Variants in CYP2F1 observed in about 807,000 individuals in gnomAD.
CYP2F1 encodes the protein cytochrome P450 2F1.
Under a neutral mutation model 40.4 loss-of-function variants are expected in CYP2F1, and 33 were observed. The observed-to-expected ratio is 0.82, with a 90% CI of 0.62 to 1.09. The LOEUF (loss-of-function observed/expected upper bound fraction) is 1.09, where lower values mean the gene tolerates loss of function less well. CYP2F1 is among the 50% of genes least tolerant of loss of function. CYP2F1 has a pLI of 0.00. For missense variants in CYP2F1, 566 were observed against 655.7 expected (o/e 0.86, Z 1.49); for synonymous variants, 235 against 277.2 (o/e 0.85, Z 1.51).
rs143638571 is a variant in CYP2F1 at position 41,120,485 on chromosome 19, G to A, written c.473G>A (p.Arg158Gln). ...GGCAGCTTCCTGCTGGCGGAGCTGC[G>A]GAAAACTGAAGGTCAGGAATTTTTT... is the stretch of plus-strand genomic sequence containing the variant. ...EEGSFLLAEL[R>Q]KTEGEPFDPT... Residue 158 changes from arginine (R) to glutamine (Q), a missense_variant, in exon 4 of 10, where the codon CGG (arginine) becomes CAG (glutamine). This residue lies in a region of CYP2F1 where 264 missense variants were observed against 275.7 expected (regional missense o/e 0.96). Transcript: ENST00000331105. 104 of 1,612,912 alleles carry A rather than the reference G, an allele frequency of 6.4e-5. No homozygotes were observed. In the East Asian group the frequency reaches 2.0e-3, roughly 31 times the overall value.
chr19:41,114,756 C>T (rs918150413), intron 1 of CYP2F1, among the ~76,000 whole-genome samples: 11 of 149,604 alleles, frequency 7.4e-5, no homozygotes, highest in South Asian at 4.2e-4. Context: ...CCCTTCCTCT[C>T]TGTCTCCGTC....
In CYP2F1 at chr19:41,127,922, A is replaced by G. The variant is rs146190866; in HGVS notation, c.1316A>G (p.Glu439Gly). ...FSAGRRLCLG[E>G]SLARMELFLY... is the part of the protein sequence containing the mutation. ...GCAGGGCGCCGTCTGTGCCTGGGAGAGTCGCTGGCGCGCATGGAGCTCTTT... is the reference window on the plus strand; with the variant it reads ...GCAGGGCGCCGTCTGTGCCTGGGAGGGTCGCTGGCGCGCATGGAGCTCTTT... The change falls in exon 10 of 10, where the codon GAG (glutamate) becomes GGG (glycine). Residue 439 changes from glutamate (E) to glycine (G), a missense_variant. Glu to Gly is a moderately conservative substitution (Grantham distance 98, BLOSUM62 -2). Transcript: ENST00000331105. 73 of 1,612,428 alleles carry G rather than the reference A, an allele frequency of 4.5e-5. 1 individual carries two copies. In the African/African-American group the frequency reaches 8.2e-4, roughly 18 times the overall value.
chr19:41,118,735 T>A (rs2031966764), intron 3 of CYP2F1, among the ~76,000 whole-genome samples: 1 of 152,232 alleles, frequency 6.6e-6, no homozygotes, highest in South Asian at 2.1e-4. Flanking sequence ...ACTCACTAGC[T>A]GTGTACCCTT....
chr19:41,116,623 C>A lies in CYP2F1; in HGVS notation c.334+6C>A. 1 of 1,613,608 alleles carries A rather than the reference C, an allele frequency of 6.2e-7. No homozygotes were observed. Among genetic ancestry groups the A allele is most frequent in the Non-Finnish European group, 8.5e-7 (1 of 1,179,830 alleles). Reference sequence around the variant, plus strand: ...CAACTTTACCAAGGGCAATGGTAAGCCTCGTCCTTGTCTCCTCCGCTCTCG... The same window carrying A: ...CAACTTTACCAAGGGCAATGGTAAGACTCGTCCTTGTCTCCTCCGCTCTCG... On this transcript the variant is annotated splice_donor_region_variant and intron_variant, in intron 3 of 9. Transcript: ENST00000331105.
chr19:41,125,485 C>G lies in CYP2F1; in HGVS notation c.1153-8C>G. On this transcript the variant is annotated splice_region_variant and splice_polypyrimidine_tract_variant and intron_variant, in intron 8 of 9. Transcript: ENST00000331105. Reference sequence around the variant, plus strand: ...TACACTGCTAAGTCCACCTCCTCACCCACACAGGGCACCGATGTCATCACC... The same window carrying G: ...TACACTGCTAAGTCCACCTCCTCACGCACACAGGGCACCGATGTCATCACC... The G allele has an allele frequency of 7.0e-7, 1 of 1,429,990 alleles. No homozygotes were observed. The allele number at this position is 1,429,990 out of a possible 1,614,324, so 88.6% of individuals were successfully genotyped here. A position where few individuals can be genotyped will look rare whatever the true frequency, so the allele number is the denominator to read the frequency against.
intron 1 of CYP2F1, among the ~76,000 whole-genome samples, chr19:41,114,887 A>G (rs913860962): frequency 2.8e-5 from 4 of 141,360 alleles, no homozygotes; most frequent in African/African-American, 1.1e-4. Context: ...CTCCTGCCTC[A>G]GCCTCCTGAG....
At position 41,119,772 on chromosome 19, in the gene CYP2F1, C is replaced by CACACACACAG. The variant is rs1213987346; in HGVS notation, c.335-566_335-565insGACACACACA. Among the ~76,000 whole-genome samples, 18 of 134,768 alleles carry CACACACACAG rather than the reference C, an allele frequency of 1.3e-4. 1 individual carries two copies. Among genetic ancestry groups the CACACACACAG allele is most frequent in the African/African-American group, 5.0e-4 (18 of 35,958 alleles). 88.4% of individuals were successfully genotyped at this position (134,768 alleles called of 152,430 possible). On this transcript the variant is annotated intron_variant, in intron 3 of 9. Transcript: ENST00000331105. ...ATACACACACACACACACACACACA[C>CACACACACAG]ACACACACACACATATATATTAGGT...
chr19:41,122,932 C>T lies in CYP2F1; in HGVS notation c.933C>T (p.Phe311=). The change falls in exon 7 of 10, where the codon TTC becomes TTT. Residue 311 remains phenylalanine (F), a synonymous_variant. Transcript: ENST00000331105. ...KTVSTTLHHA[F]LALMKYPKVQ... ...TGAGCACCACGCTGCACCACGCCTT[C>T]CTGGCACTCATGAAGTACCCAAAAG... 3 of 1,613,312 alleles carry T rather than the reference C, an allele frequency of 1.9e-6. No individual in the cohort carries two copies. Among genetic ancestry groups the T allele is most frequent in the Non-Finnish European group, 2.5e-6 (3 of 1,179,538 alleles).
At chr19:41,123,617 G>C (rs1348210885) in intron 7 of CYP2F1, among the ~76,000 whole-genome samples, 1 of 152,178 alleles carries the variant, frequency 6.6e-6, no homozygotes, top group Non-Finnish European at 1.5e-5. Flanking sequence ...TTGGGCTCAA[G>C]CAATCTCCCC....
At chr19:41,122,772 T>A in intron 6 of CYP2F1, 50 bp from the exon 7 acceptor site, 1 of 1,505,914 alleles carries the variant, frequency 6.6e-7, no homozygotes, top group Non-Finnish European at 8.9e-7. Flanking sequence ...TGGTCTAGAG[T>A]GAAGGGGCCT....
At chr19:41,117,034 A>G (rs28754754) in intron 3 of CYP2F1, among the ~76,000 whole-genome samples, 3,157 of 152,076 alleles carry the variant, frequency 0.021, 111 homozygotes, top group African/African-American at 0.07. Context: ...CAACACTGAC[A>G]GCATCTCAAT....
In CYP2F1 at chr19:41,128,143, T is replaced by TC; in HGVS notation, c.*65dup. 6.6e-7 allele frequency: 1 copy of TC among 1,514,662 alleles called. No individual in the cohort carries two copies. The allele number at this position is 1,514,662 out of a possible 1,614,324, so 93.8% of individuals were successfully genotyped here. ...AGGCCCGCCCATGCGGGTTGCTACG[T>TC]CCCCTTCTTGGTCCACAGTCTGCCC... On this transcript the variant is annotated 3_prime_UTR_variant, in exon 10 of 10. Coordinates refer to ENST00000331105, the MANE Select transcript of CYP2F1 (RefSeq NM_000774.5).
chr19:41,120,459 G>T lies in CYP2F1; in HGVS notation c.447G>T (p.Glu149Asp). ...GCATTGAGGAGCGAATCCTAGAGGA[G>T]GGCAGCTTCCTGCTGGCGGAGCTGC... ...KRSIEERILE[E>D]GSFLLAELRK... Residue 149 changes from glutamate (E) to aspartate (D), a missense_variant, in exon 4 of 10, where the codon GAG (glutamate) becomes GAT (aspartate). By Grantham distance (45) the Glu-to-Asp change is conservative. Transcript: ENST00000331105. 6.2e-7 allele frequency: 1 copy of T among 1,613,884 alleles called. No individual in the cohort carries two copies. Among genetic ancestry groups the T allele is most frequent in the Non-Finnish European group, 8.5e-7 (1 of 1,179,936 alleles).
intron 3 of CYP2F1, among the ~76,000 whole-genome samples, chr19:41,119,748 TAC>T (rs147688839): frequency 0.044 from 1,577 of 36,006 alleles, 41 homozygotes; most frequent in Admixed American, 0.07. Context: ...TATATATATA[TAC>T]ACACACACAC....
intron 9 of CYP2F1, among the ~76,000 whole-genome samples, chr19:41,126,588 C>T (rs1468761195): frequency 6.6e-6 from 1 of 151,920 alleles, no homozygotes; most frequent in African/African-American, 2.4e-5. Flanking sequence ...CCTTTCTCTA[C>T]TGAAAATGTT....
chr19:41,116,458 A>G lies in CYP2F1; in HGVS notation c.175A>G (p.Ser59Gly), dbSNP rs772249109. 2.5e-6 allele frequency: 4 copies of G among 1,610,078 alleles called. No homozygotes were observed. Among genetic ancestry groups the G allele is most frequent in the Admixed American group, 1.7e-5 (1 of 59,396 alleles). Residue 59 changes from serine to glycine, a missense_variant, in exon 3 of 10, where the codon AGC (serine) becomes GGC (glycine). Physicochemically the swap from Ser to Gly is moderately conservative, Grantham distance 56. Transcript: ENST00000331105. The stretch of plus-strand genomic sequence containing the variant: ...ACTTCTGTCTTCCTACCCTCAGCTG[A>G]GCAAGGAGTATGGCTCCATGTACAC... ...QDMLTSLTKL[S>G]KEYGSMYTVH...
chr19:41,124,968 C>G (rs541610854), intron 8 of CYP2F1, 62 bp downstream of exon 8: 3 of 1,442,014 alleles, frequency 2.1e-6, no homozygotes, highest in African/African-American at 2.8e-5. Flanking sequence ...GGCTCTTGCA[C>G]TGGCAAGGAG....
Position 41,116,218 on chromosome 19 carries a change from C to T in CYP2F1, c.30C>T (p.Leu10=), listed in dbSNP as rs779521512. The change falls in exon 2 of 10, where the codon CTC becomes CTT. Residue 10 remains leucine, a synonymous_variant. Transcript: ENST00000331105. ...ACAGCATAAGCACAGCCATCTTACTCCTGCTCCTGGCTCTCGTCTGTCTGC... is the reference window on the plus strand; with the variant it reads ...ACAGCATAAGCACAGCCATCTTACTTCTGCTCCTGGCTCTCGTCTGTCTGC... MDSISTAIL[L]LLLALVCLLL... The T allele has an allele frequency of 6.8e-6, 11 of 1,613,898 alleles. No homozygotes were observed. Among genetic ancestry groups the T allele is most frequent in the Admixed American group, 6.7e-5 (4 of 59,972 alleles).
chr19:41,120,606 C>T lies in CYP2F1; in HGVS notation c.484+110C>T, dbSNP rs1378156965. ...AAACCATCCTCCCACCTCAACCTCC[C>T]GAATAGCTGGTACTTCAGGTGTGCT... On this transcript the variant is annotated intron_variant, in intron 4 of 9. Transcript: ENST00000331105. 6 of 1,190,596 alleles carry T rather than the reference C, an allele frequency of 5.0e-6. No homozygotes were observed. In the East Asian group the frequency reaches 7.1e-5, roughly 14 times the overall value. 73.8% of individuals were successfully genotyped at this position (1,190,596 alleles called of 1,614,324 possible).
Sources: allele counts gnomAD v4.1 joint callset (sites outside exome capture counted in the v4.1 genomes callset), GRCh38; gene constraint gnomAD v4.1.1; regional missense constraint gnomAD v4.1.1; transcripts MANE v1.5; gene names NCBI Gene and HGNC (gene_info 2026-07-23, HGNC 2026-07-21).